TTC28: variants seen among roughly 807,000 people sequenced by gnomAD.
TTC28 encodes tetratricopeptide repeat domain 28.
Under a neutral mutation model 198.0 loss-of-function variants are expected in TTC28, and 61 were observed. That is an observed-to-expected ratio of 0.31 (90% confidence interval 0.25 to 0.38). TTC28 has a LOEUF of 0.38. TTC28 is among the 10% of genes least tolerant of loss of function. The pLI is 1.00. For missense variants in TTC28, 2,678 were observed against 3,164.0 expected (o/e 0.85, Z 3.69); for synonymous variants, 1,171 against 1,297.8 (o/e 0.90, Z 2.10).
chr22:28,346,074 T>C (rs554502524), intron 2 of TTC28, among the ~76,000 whole-genome samples: 4 of 152,198 alleles, frequency 2.6e-5, no homozygotes, highest in Non-Finnish European at 4.4e-5. Context: ...TTTTTAAATA[T>C]GTTTTCACGT....
chr22:28,138,742 C>T (rs761376180), intron 6 of TTC28, among the ~76,000 whole-genome samples: 3 of 152,170 alleles, frequency 2.0e-5, no homozygotes, highest in Non-Finnish European at 4.4e-5. Context: ...GACTCCACAG[C>T]CAGAGTCCTT....
At chr22:27,998,162 C>G (rs974788157) in intron 16 of TTC28, 5 of 256,490 alleles carry the variant, frequency 1.9e-5, no homozygotes, top group African/African-American at 1.1e-4. Context: ...GGTAAGTAAC[C>G]TATCTCAGGC....
rs542952872 is a variant in TTC28, at chr22:28,575,895, T to G, written c.381+53657A>C. 3.1e-3 allele frequency among the ~76,000 whole-genome samples: 472 copies of G among 152,298 alleles called. 4 individuals are homozygous for G. Among genetic ancestry groups the G allele is most frequent in the Non-Finnish European group, 4.7e-3 (318 of 68,006 alleles). ...ACTGAATTTATCAGTTCTAATAGTT[T>G]TTGGTGGTGTCTTTAGGTTTATCCA... is the stretch of plus-strand genomic sequence containing the variant. On this transcript the variant is annotated intron_variant, in intron 2 of 22. Coordinates refer to ENST00000397906, the MANE Select transcript of TTC28 (RefSeq NM_001145418.2).
At chr22:28,001,658 G>T in intron 14 of TTC28, 105 bp from the exon 15 acceptor site, 1 of 1,351,918 alleles carries the variant, frequency 7.4e-7, no homozygotes, top group Non-Finnish European at 1.0e-6. Flanking sequence ...AGCACGAGCA[G>T]GTGAGGCCTG....
chr22:28,491,693 T>A (rs2048381356), intron 2 of TTC28, among the ~76,000 whole-genome samples: 1 of 152,182 alleles, frequency 6.6e-6, no homozygotes, highest in Non-Finnish European at 1.5e-5. Flanking sequence ...ATTGTGGAAG[T>A]CGGTGTGGTG....
intron 6 of TTC28, among the ~76,000 whole-genome samples, chr22:28,158,726 T>C (rs1029197072): frequency 6.6e-6 from 1 of 152,184 alleles, no homozygotes; most frequent in Non-Finnish European, 1.5e-5. Flanking sequence ...AGAATGAAAC[T>C]AGACCCCTAT....
At chr22:28,281,790 G>T (rs2044587312) in intron 5 of TTC28, among the ~76,000 whole-genome samples, 1 of 152,188 alleles carries the variant, frequency 6.6e-6, no homozygotes, top group Non-Finnish European at 1.5e-5. Flanking sequence ...TGGGCAGCAG[G>T]TGAAATCTCT....
rs565856127 is a variant in TTC28, at chr22:28,106,252, G to A, written c.2784-450C>T. Among the ~76,000 whole-genome samples the A allele has an allele frequency of 9.9e-5, 15 of 152,216 alleles. 1 individual carries two copies. The highest frequency in any genetic ancestry group is 3.4e-4 in the African/African-American group (14 of 41,530). On this transcript the variant is annotated intron_variant, in intron 7 of 22. Transcript: ENST00000397906. ...CCCTTGCCCTTCCTCCACTCCAGGAGCCCTAATCCCCTGCCTCTCTGGTGG... is the reference window on the plus strand; with the variant it reads ...CCCTTGCCCTTCCTCCACTCCAGGAACCCTAATCCCCTGCCTCTCTGGTGG...
chr22:28,553,250 C>T (rs1470318302), intron 2 of TTC28, among the ~76,000 whole-genome samples: 1 of 150,132 alleles, frequency 6.7e-6, no homozygotes, highest in Non-Finnish European at 1.5e-5. Flanking sequence ...GGCCGCCCAT[C>T]GTCTGGGATG....
intron 6 of TTC28, among the ~76,000 whole-genome samples, chr22:28,126,560 G>A (rs1942917961): frequency 6.6e-6 from 1 of 152,104 alleles, no homozygotes; most frequent in Non-Finnish European, 1.5e-5. Flanking sequence ...TGATTTAGAT[G>A]GAAAAAGGAG....
At chr22:28,558,123 G>A (rs1172752621) in intron 2 of TTC28, among the ~76,000 whole-genome samples, 1 of 152,112 alleles carries the variant, frequency 6.6e-6, no homozygotes, top group Non-Finnish European at 1.5e-5. Flanking sequence ...TGTTGTGAAA[G>A]GTTCCTATAA....
intron 12 of TTC28, among the ~76,000 whole-genome samples, chr22:28,068,514 G>GT (rs1167926543): frequency 2.6e-5 from 4 of 152,070 alleles, no homozygotes; most frequent in Admixed American, 2.0e-4. Context: ...TTTTTTCCCT[G>GT]TTTTTTAGTC....
At chr22:28,417,325 AAAG>A (rs1199282729) in intron 2 of TTC28, among the ~76,000 whole-genome samples, 2 of 150,718 alleles carry the variant, frequency 1.3e-5, no homozygotes, top group African/African-American at 4.9e-5. Flanking sequence ...AAAAAAAAAA[AAAG>A]GACAGGTGTG....
chr22:28,474,689 T>C (rs1329003793), intron 2 of TTC28, among the ~76,000 whole-genome samples: 3 of 152,182 alleles, frequency 2.0e-5, no homozygotes, highest in African/African-American at 4.8e-5. Context: ...AGGATTCTAT[T>C]AGGCATTCTC....
intron 12 of TTC28, among the ~76,000 whole-genome samples, chr22:28,041,933 A>G (rs535220177): frequency 6.6e-6 from 1 of 152,328 alleles, no homozygotes; most frequent in African/African-American, 2.4e-5. Context: ...ATGAACAGAC[A>G]CTTCTTAAAA....
chr22:28,352,044 C>A (rs1374721205), intron 2 of TTC28, among the ~76,000 whole-genome samples: 1 of 152,034 alleles, frequency 6.6e-6, no homozygotes, highest in Non-Finnish European at 1.5e-5. Flanking sequence ...TAATTCAGTT[C>A]ACTTTAATTA....
intron 1 of TTC28, among the ~76,000 whole-genome samples, chr22:28,639,408 A>G (rs2051326569): frequency 6.6e-6 from 1 of 152,208 alleles, no homozygotes; most frequent in Non-Finnish European, 1.5e-5. Flanking sequence ...CCTAGAGAGT[A>G]GGATCTTTTT....
At chr22:28,150,114 C>G (rs1943572385) in intron 6 of TTC28, among the ~76,000 whole-genome samples, 1 of 152,080 alleles carries the variant, frequency 6.6e-6, no homozygotes, top group Non-Finnish European at 1.5e-5. Flanking sequence ...AAAATTAAGC[C>G]TTTAAATAGA....
chr22:28,472,462 C>T (rs1165481588), intron 2 of TTC28, among the ~76,000 whole-genome samples: 4 of 151,690 alleles, frequency 2.6e-5, no homozygotes, highest in African/African-American at 9.7e-5. Flanking sequence ...GTTTCATAGA[C>T]ATTTGCTTAC....
Sources: allele counts gnomAD v4.1 joint callset (sites outside exome capture counted in the v4.1 genomes callset), GRCh38; gene constraint gnomAD v4.1.1; transcripts MANE v1.5; gene names NCBI Gene and HGNC (gene_info 2026-07-23, HGNC 2026-07-21).